The following NCAM1 variants were observed in gnomAD, a reference collection of about 807,000 sequenced individuals.
NCAM1 encodes the protein neural cell adhesion molecule 1.
In NCAM1, 14 loss-of-function variants were observed where a neutral mutation model predicts 109.8. The observed-to-expected ratio is 0.13, with a 90% confidence interval of 0.08 to 0.20. The LOEUF (loss-of-function observed/expected upper bound fraction) is 0.20. NCAM1 is among the 10% of genes least tolerant of loss of function. The probability of loss-of-function intolerance (pLI) is 1.00; values close to 1 mark genes in which losing one functional copy is unlikely to be tolerated. For missense variants in NCAM1, 774 were observed against 1,109.9 expected, an observed-to-expected ratio of 0.70 and a Z score of 4.30; for synonymous variants, 418 against 442.9, an observed-to-expected ratio of 0.94 and a Z score of 0.70.
In NCAM1 at chr11:113,059,403, T is replaced by C. The variant is rs143496746; in HGVS notation, c.52+97739T>C. Among the ~76,000 whole-genome samples the C allele has an allele frequency of 2.7e-3, 407 of 152,288 alleles. 4 individuals carry two copies. Among genetic ancestry groups the C allele is most frequent in the East Asian group, 8.1e-3 (42 of 5,188 alleles). On this transcript the variant is annotated intron_variant, in intron 1 of 19. Coordinates refer to ENST00000316851, the MANE Select transcript of NCAM1 (RefSeq NM_181351.5). ...AATCAGGAGTTCAGGAAGGATTTAA[T>C]TGGAAATTTTGTGCCTGATCCTCTT... is the stretch of plus-strand genomic sequence containing the variant.
At chr11:113,102,212 GA>G (rs1313769551) in intron 1 of NCAM1, among the ~76,000 whole-genome samples, 2 of 152,130 alleles carry the variant, frequency 1.3e-5, no homozygotes, top group Non-Finnish European at 2.9e-5. Flanking sequence ...TTTTCAGGAG[GA>G]TTTTTTAATG....
intron 15 of NCAM1, among the ~76,000 whole-genome samples, chr11:113,247,165 T>G (rs1282429515): frequency 1.3e-5 from 2 of 152,226 alleles, no homozygotes; most frequent in Non-Finnish European, 2.9e-5. Context: ...TGTTAAAACA[T>G]TTCTCGCTTA....
intron 13 of NCAM1, among the ~76,000 whole-genome samples, chr11:113,234,534 C>T (rs781987493): frequency 2.6e-5 from 4 of 152,208 alleles, no homozygotes; most frequent in Non-Finnish European, 4.4e-5. Context: ...TAAGTGGACT[C>T]ATATGGCATT....
intron 1 of NCAM1, among the ~76,000 whole-genome samples, chr11:113,178,564 A>C (rs1039449132): frequency 1.3e-5 from 2 of 152,102 alleles, no homozygotes; most frequent in Admixed American, 6.5e-5. Flanking sequence ...CAATTAGCAA[A>C]CTGTTGAATG....
At chr11:112,975,804 TCATTCG>T (rs1355646795) in intron 1 of NCAM1, among the ~76,000 whole-genome samples, 2 of 152,016 alleles carry the variant, frequency 1.3e-5, no homozygotes, top group Non-Finnish European at 1.5e-5. Flanking sequence ...TGAAGGCAGT[TCATTCG>T]CCTGCCTTCC....
At chr11:113,098,462 A>AT (rs200157042) in intron 1 of NCAM1, among the ~76,000 whole-genome samples, 144 of 152,086 alleles carry the variant, frequency 9.5e-4, no homozygotes, top group South Asian at 8.5e-3. Context: ...TATTATTATT[A>AT]TTTTTTCAAA....
rs1268426329 is a variant in NCAM1 at position 113,255,870 on chromosome 11, G to A, written c.1829-7G>A. ...AGAATTTCATGTGAATTAACTGGCT[G>A]TTTCAGGGGAACCCAGTGCACCTAA... On this transcript the variant is annotated splice_region_variant and splice_polypyrimidine_tract_variant and intron_variant, in intron 15 of 19. Transcript: ENST00000316851. 6.2e-7 allele frequency: 1 copy of A among 1,612,288 alleles called. No individual in the cohort carries two copies. The highest frequency in any genetic ancestry group is 8.5e-7 in the Non-Finnish European group (1 of 1,179,258).
chr11:113,149,043 A>G (rs1393227843), intron 1 of NCAM1, among the ~76,000 whole-genome samples: 12 of 152,224 alleles, frequency 7.9e-5, no homozygotes, highest in Non-Finnish European at 1.5e-4. Flanking sequence ...CTGGTCTTCC[A>G]AGACCAGACC....
intron 1 of NCAM1, among the ~76,000 whole-genome samples, chr11:113,198,373 A>ATTT (rs201270539): frequency 6.9e-6 from 1 of 144,546 alleles, no homozygotes; most frequent in Non-Finnish European, 1.5e-5. Context: ...TGATATTAGA[A>ATTT]TTTTTTTTTT....
intron 14 of NCAM1, among the ~76,000 whole-genome samples, chr11:113,243,395 G>A (rs907592922): frequency 1.3e-5 from 2 of 152,158 alleles, no homozygotes; most frequent in African/African-American, 4.8e-5. Flanking sequence ...CCTTCCTGCT[G>A]TCTCCTTTCA....
chr11:112,982,086 T>C (rs1555068863), intron 1 of NCAM1, among the ~76,000 whole-genome samples: 2 of 151,906 alleles, frequency 1.3e-5, no homozygotes, highest in Admixed American at 6.6e-5. Context: ...CACTTCCCTA[T>C]AAGATGTTTT....
At chr11:113,261,057 ACT>A (rs1378180614) in intron 17 of NCAM1, among the ~76,000 whole-genome samples, 1 of 152,096 alleles carries the variant, frequency 6.6e-6, no homozygotes, top group Admixed American at 6.5e-5. Context: ...TCAACTGATC[ACT>A]CTGCTTTTCC....
At chr11:113,175,392 T>C (rs1943115855) in intron 1 of NCAM1, among the ~76,000 whole-genome samples, 1 of 152,234 alleles carries the variant, frequency 6.6e-6, no homozygotes, top group Non-Finnish European at 1.5e-5. Context: ...ACATCCACCC[T>C]AGTTGGGAAA....
At chr11:113,108,420 A>G (rs11214492) in intron 1 of NCAM1, among the ~76,000 whole-genome samples, 20,605 of 152,178 alleles carry the variant, frequency 0.14, 1,693 homozygotes, top group East Asian at 0.36. Context: ...AAGCTCTCTG[A>G]CTTTCGGGTA....
At chr11:113,202,319 C>T in intron 1 of NCAM1, 60 bp from the exon 2 acceptor site, 1 of 1,406,348 alleles carries the variant, frequency 7.1e-7, no homozygotes. Context: ...TACGTTTGAA[C>T]TGAACTTTGT....
intron 1 of NCAM1, among the ~76,000 whole-genome samples, chr11:113,053,120 C>T (rs1176736164): frequency 2.0e-5 from 3 of 152,148 alleles, no homozygotes; most frequent in African/African-American, 4.8e-5. Context: ...ACTGCTCCCA[C>T]TTGTTCAGCT....
At position 113,214,418 on chromosome 11, in the gene NCAM1, G is replaced by A. The variant is rs1591425166; in HGVS notation, c.966G>A (p.Glu322=). 1.9e-6 allele frequency: 3 copies of A among 1,613,898 alleles called. No homozygotes were observed. The highest frequency in any genetic ancestry group is 2.7e-5 in the African/African-American group (2 of 75,066). ...AGAACCAGACTGCCATGGAATTAGA[G>A]GAGCAGGTCACTCTTACCTGTGAAG... ...YVENQTAMEL[E]EQVTLTCEAS... is the part of the protein sequence containing the mutation. The change falls in exon 8 of 20, where the codon GAG becomes GAA. Residue 322 remains glutamate (E), a synonymous_variant. Transcript: ENST00000316851.
intron 1 of NCAM1, among the ~76,000 whole-genome samples, chr11:113,008,124 A>C (rs1555073648): frequency 6.6e-6 from 1 of 152,210 alleles, no homozygotes; most frequent in East Asian, 1.9e-4. Context: ...GGTAACTAAG[A>C]GTTGCTGAAA....
At chr11:113,074,902 G>T (rs545397833) in intron 1 of NCAM1, among the ~76,000 whole-genome samples, 3 of 152,304 alleles carry the variant, frequency 2.0e-5, no homozygotes, top group East Asian at 3.9e-4. Context: ...AAAGTGCTGG[G>T]ATTATAGGCG....
Sources: gnomAD v4.1 joint callset for allele counts (sites outside exome capture counted in the v4.1 genomes callset) on GRCh38, gnomAD v4.1.1 for gene constraint, MANE v1.5 for transcripts, NCBI Gene and HGNC (gene_info 2026-07-23, HGNC 2026-07-21) for gene names.